Variants in EDNRB observed in about 807,000 individuals in gnomAD.
The protein encoded by EDNRB is endothelin receptor type B.
Under a neutral mutation model 46.4 loss-of-function variants are expected in EDNRB, and 18 were observed. That is an observed-to-expected ratio of 0.39 (90% CI 0.27 to 0.57). The LOEUF (loss-of-function observed/expected upper bound fraction) is 0.57, where lower values mean the gene tolerates loss of function less well. EDNRB is among the 20% of genes least tolerant of loss of function. The pLI, the probability that EDNRB is intolerant of heterozygous loss-of-function variation, is 0.61. For missense variants in EDNRB, 434 were observed against 537.5 expected (o/e 0.81, Z 1.90); for synonymous variants, 213 against 204.9 (o/e 1.04, Z -0.34).
intron 1 of EDNRB, among the ~76,000 whole-genome samples, chr13:77,962,547 A>G (rs1881455451): frequency 6.6e-6 from 1 of 152,234 alleles, no homozygotes; most frequent in Admixed American, 6.5e-5. Flanking sequence ...AGATGCAGAA[A>G]AGGCCTTTGA....
chr13:77,920,890 A>G (rs757753655), upstream of EDNRB, among the ~76,000 whole-genome samples: 2 of 152,138 alleles, frequency 1.3e-5, no homozygotes, highest in Non-Finnish European at 2.9e-5. Context: ...TGCCCTTCCT[A>G]TACAAGCTTT....
At chr13:77,954,561 G>A (rs764509964) in intron 1 of EDNRB, among the ~76,000 whole-genome samples, 15 of 151,482 alleles carry the variant, frequency 9.9e-5, no homozygotes, top group Non-Finnish European at 1.9e-4. Context: ...ACCCAGGCTG[G>A]AGTGTAGTGG....
At position 77,895,824 on chromosome 13, in the gene EDNRB, A is replaced by G. The variant is rs1878594560; in HGVS notation, c.*2376T>C. Reference sequence around the variant, plus strand: ...CTATAAACTGTATTCCTTTGGCCATATGTAAGCTATCAATACTAAAAGGTG... The same window carrying G: ...CTATAAACTGTATTCCTTTGGCCATGTGTAAGCTATCAATACTAAAAGGTG... On this transcript the variant is annotated 3_prime_UTR_variant, in exon 7 of 7. Coordinates refer to ENST00000646607, the MANE Select transcript of EDNRB (RefSeq NM_001122659.3). The G allele has an allele frequency of 1.3e-5, 2 of 152,138 alleles. No homozygotes were observed. Among genetic ancestry groups the G allele is most frequent in the Admixed American group, 1.3e-4 (2 of 15,242 alleles). 9.4% of individuals were successfully genotyped at this position (152,138 alleles called of 1,614,324 possible).
intron 1 of EDNRB, among the ~76,000 whole-genome samples, chr13:77,944,629 G>T (rs941603194): frequency 3.3e-5 from 5 of 152,180 alleles, no homozygotes; most frequent in Non-Finnish European, 7.4e-5. Context: ...ATAGTTCAAA[G>T]ATAGAAACTC....
chr13:77,954,089 G>T (rs77186005), intron 1 of EDNRB, among the ~76,000 whole-genome samples: 2,605 of 152,002 alleles, frequency 0.017, 27 homozygotes, highest in Middle Eastern at 0.068. Flanking sequence ...TTTATAATTT[G>T]CAATTCCAAC....
chr13:77,925,026 G>A (rs1378251465), intron 1 of EDNRB, among the ~76,000 whole-genome samples: 1 of 152,086 alleles, frequency 6.6e-6, no homozygotes, highest in Non-Finnish European at 1.5e-5. Context: ...GCCTGAAAAC[G>A]GACTAACACA....
Position 77,896,085 on chromosome 13 carries a change from T to G in EDNRB, c.*2115A>C, listed in dbSNP as rs1178943219. On this transcript the variant is annotated 3_prime_UTR_variant, in exon 7 of 7. Coordinates refer to ENST00000646607, the MANE Select transcript of EDNRB (RefSeq NM_001122659.3). Reference sequence around the variant, plus strand: ...CTTACTTATCAGTATGTTAAAGTTTTGAATCAAACATTTTTTTAAAAAGCC... The same window carrying G: ...CTTACTTATCAGTATGTTAAAGTTTGGAATCAAACATTTTTTTAAAAAGCC... 1 of 154,322 alleles carries G rather than the reference T, an allele frequency of 6.5e-6. No individual in the cohort carries two copies. The highest frequency in any genetic ancestry group is 1.4e-5 in the Non-Finnish European group (1 of 69,750). The allele number at this position is 154,322 out of a possible 1,614,324, so 9.6% of individuals were successfully genotyped here.
At chr13:77,962,290 A>G (rs928325543) in intron 1 of EDNRB, among the ~76,000 whole-genome samples, 1 of 152,212 alleles carries the variant, frequency 6.6e-6, no homozygotes, top group African/African-American at 2.4e-5. Context: ...TAAGGCCAGC[A>G]TCATCCTGAT....
intron 1 of EDNRB, among the ~76,000 whole-genome samples, chr13:77,903,977 A>G (rs1879141666): frequency 6.6e-6 from 1 of 152,020 alleles, no homozygotes; most frequent in African/African-American, 2.4e-5. Context: ...TGGGTTAATT[A>G]AAATTGAATG....
rs1878737612 is a variant in EDNRB, at chr13:77,898,250, C to T, written c.1279G>A (p.Asp427Asn). Reference protein sequence around the residue: ...KQSCLKFKANDHGYDNFRSSN... With the variant: ...KQSCLKFKANNHGYDNFRSSN... ...GAACGGAAGTTGTCATATCCGTGATCATTAGCTTTGAACTTTAAGCACGAC... is the reference window on the plus strand; with the variant it reads ...GAACGGAAGTTGTCATATCCGTGATTATTAGCTTTGAACTTTAAGCACGAC... Residue 427 changes from aspartate to asparagine, a missense_variant, in exon 7 of 7, where the codon GAT (aspartate) becomes AAT (asparagine). Transcript: ENST00000646607. 2 of 1,612,098 alleles carry T rather than the reference C, an allele frequency of 1.2e-6. No individual in the cohort carries two copies. Among genetic ancestry groups the T allele is most frequent in the Non-Finnish European group, 1.7e-6 (2 of 1,178,842 alleles).
At chr13:77,911,172 A>C (rs936040538) in intron 1 of EDNRB, among the ~76,000 whole-genome samples, 3 of 152,050 alleles carry the variant, frequency 2.0e-5, no homozygotes, top group African/African-American at 4.8e-5. Flanking sequence ...TTATTAGTTC[A>C]CTTATCTGAG....
At chr13:77,960,701 A>G (rs1881381926) in intron 1 of EDNRB, among the ~76,000 whole-genome samples, 1 of 152,208 alleles carries the variant, frequency 6.6e-6, no homozygotes, top group Non-Finnish European at 1.5e-5. Context: ...TTAACCTTAA[A>G]TGTAAATGGG....
chr13:77,925,887 C>T (rs1230546386), intron 1 of EDNRB, among the ~76,000 whole-genome samples: 1 of 152,220 alleles, frequency 6.6e-6, no homozygotes, highest in South Asian at 2.1e-4. Context: ...AGAGGCGAGG[C>T]TGTACCCTGC....
intron 1 of EDNRB, among the ~76,000 whole-genome samples, chr13:77,942,857 C>T (rs2137666413): frequency 6.6e-6 from 1 of 152,082 alleles, no homozygotes; most frequent in Admixed American, 6.5e-5. Context: ...TAGGCTTTTT[C>T]TTAACAGATT....
chr13:77,938,087 G>A (rs563301404), intron 1 of EDNRB, among the ~76,000 whole-genome samples: 1 of 152,274 alleles, frequency 6.6e-6, no homozygotes, highest in African/African-American at 2.4e-5. Context: ...TAGGTTTTAG[G>A]TCAGGTGTGA....
Position 77,898,762 on chromosome 13 carries a change from C to T in EDNRB, c.1195-428G>A, listed in dbSNP as rs3027097. Among the ~76,000 whole-genome samples the T allele has an allele frequency of 9.2e-5, 14 of 151,972 alleles. No homozygotes were observed. In the East Asian group the frequency reaches 2.3e-3, roughly 25 times the overall value. The stretch of plus-strand genomic sequence containing the variant: ...TTACTGAGACTGTACTGTATGTATA[C>T]TCCATAACCTTGTAGATACTTTCAC... On this transcript the variant is annotated intron_variant, in intron 6 of 6. Coordinates refer to ENST00000646607, the MANE Select transcript of EDNRB (RefSeq NM_001122659.3).
intron 1 of EDNRB, among the ~76,000 whole-genome samples, chr13:77,905,305 C>A (rs561615268): frequency 6.6e-6 from 1 of 151,762 alleles, no homozygotes; most frequent in South Asian, 2.1e-4. Context: ...TCTAAAGAAC[C>A]CAGATTGGAA....
At chr13:77,945,741 G>C (rs1264077445) in intron 1 of EDNRB, among the ~76,000 whole-genome samples, 1 of 152,006 alleles carries the variant, frequency 6.6e-6, no homozygotes, top group Non-Finnish European at 1.5e-5. Context: ...TACAGCTATA[G>C]CAAATATTAA....
intron 1 of EDNRB, among the ~76,000 whole-genome samples, chr13:77,959,550 T>C (rs1881341208): frequency 1.3e-5 from 2 of 152,076 alleles, no homozygotes; most frequent in South Asian, 4.1e-4. Context: ...TACGTCACCA[T>C]CATCAAAGAC....
Sources: allele counts gnomAD v4.1 joint callset (sites outside exome capture counted in the v4.1 genomes callset), GRCh38; gene constraint gnomAD v4.1.1; transcripts MANE v1.5; gene names NCBI Gene and HGNC (gene_info 2026-07-23, HGNC 2026-07-21).